Variants in EPHA5 observed in about 807,000 individuals in gnomAD.
EPHA5 encodes the protein EPH receptor A5, also known as ephrin type-A receptor 5.
Under a neutral mutation model 105.0 loss-of-function variants are expected in EPHA5, and 60 were observed. That is an observed-to-expected ratio of 0.57 (90% confidence interval 0.46 to 0.71). The LOEUF is 0.71. Ranked by LOEUF, EPHA5 falls within the 30% of genes least tolerant of loss-of-function variation. The pLI is 0.00. For synonymous variants in EPHA5, 513 were observed against 449.1 expected (o/e 1.14, Z -1.80); for missense variants, 1,218 against 1,274.7 (o/e 0.96, Z 0.68).
chr4:65,396,672 T>C (rs1721272637), intron 8 of EPHA5, among the ~76,000 whole-genome samples: 1 of 152,138 alleles, frequency 6.6e-6, no homozygotes, highest in Non-Finnish European at 1.5e-5. Flanking sequence ...AAGCTATTCA[T>C]GATAGAACAG....
intron 8 of EPHA5, among the ~76,000 whole-genome samples, chr4:65,401,939 G>A (rs1721880457): frequency 6.6e-6 from 1 of 151,884 alleles, no homozygotes; most frequent in Admixed American, 6.6e-5. Flanking sequence ...GAGAAAGAGA[G>A]AGAGATAGAG....
intron 5 of EPHA5, among the ~76,000 whole-genome samples, chr4:65,424,875 T>C (rs1428399963): frequency 1.3e-5 from 2 of 152,100 alleles, no homozygotes; most frequent in Admixed American, 1.3e-4. Context: ...ACACTTAGTA[T>C]AGAACAATAT....
intron 5 of EPHA5, among the ~76,000 whole-genome samples, chr4:65,451,974 C>A (rs1727111881): frequency 6.6e-6 from 1 of 152,092 alleles, no homozygotes; most frequent in Non-Finnish European, 1.5e-5. Flanking sequence ...GTCATATTAT[C>A]TTGTTAGTTA....
rs571653857 is a variant in EPHA5, at chr4:65,574,404, TACTC to T, written c.910+27233_910+27236del. On this transcript the variant is annotated intron_variant, in intron 3 of 16. Transcript: ENST00000613740. ...AATAAAAAATAAAAAAATAAAAAAA[TACTC>T]AAATAACTCAAATACATGTATTCAT... The T allele has an allele frequency of 9.3e-4, 609 of 655,682 alleles. 2 individuals are homozygous for T. Among genetic ancestry groups the T allele is most frequent in the African/African-American group, 7.2e-3 (381 of 52,686 alleles). The allele number at this position is 655,682 out of a possible 1,614,324, so 40.6% of individuals were successfully genotyped here. A position where few individuals can be genotyped will look rare whatever the true frequency, so the allele number is the denominator to read the frequency against.
rs139249356 is a variant in EPHA5 at position 65,432,149 on chromosome 4, T to C, written c.1403-11584A>G. Among the ~76,000 whole-genome samples, 19 of 152,300 alleles carry C rather than the reference T, an allele frequency of 1.2e-4. No homozygotes were observed. In the East Asian group the frequency reaches 1.9e-3, roughly 15 times the overall value. On this transcript the variant is annotated intron_variant, in intron 5 of 16. Transcript: ENST00000613740. ...TTTGATTCTAGCTCAAGTTTAATGA[T>C]TAACTGTACATTTTATGAGCAAAAA... is the stretch of plus-strand genomic sequence containing the variant.
intron 7 of EPHA5, among the ~76,000 whole-genome samples, chr4:65,406,867 C>T (rs1722409246): frequency 6.6e-6 from 1 of 151,836 alleles, no homozygotes; most frequent in Admixed American, 6.6e-5. Flanking sequence ...ATTAATCAAA[C>T]AAAAAAATCA....
intron 3 of EPHA5, among the ~76,000 whole-genome samples, chr4:65,567,298 G>T (rs571239459): frequency 1.3e-5 from 2 of 151,644 alleles, no homozygotes; most frequent in African/African-American, 4.8e-5. Context: ...ATTCAACAAG[G>T]TTTCATCAGA....
intron 3 of EPHA5, among the ~76,000 whole-genome samples, chr4:65,528,245 G>T (rs1052219567): frequency 1.3e-5 from 2 of 152,042 alleles, no homozygotes; most frequent in African/African-American, 4.8e-5. Flanking sequence ...TAGGTGCTCT[G>T]AGTCAAAACA....
At chr4:65,459,916 A>G (rs1317070895) in intron 5 of EPHA5, among the ~76,000 whole-genome samples, 1 of 151,804 alleles carries the variant, frequency 6.6e-6, no homozygotes, top group African/African-American at 2.4e-5. Flanking sequence ...TTATCCAATA[A>G]CTGTTTAGTA....
chr4:65,668,346 G>A (rs1180636878), intron 1 of EPHA5, among the ~76,000 whole-genome samples: 1 of 152,150 alleles, frequency 6.6e-6, no homozygotes, highest in Admixed American at 6.5e-5. Flanking sequence ...GTGCCCAGGA[G>A]TGGAAGGAAT....
chr4:65,497,926 T>C (rs1732103378), intron 3 of EPHA5, among the ~76,000 whole-genome samples: 1 of 151,982 alleles, frequency 6.6e-6, no homozygotes, highest in Non-Finnish European at 1.5e-5. Context: ...GCCTTGCCTT[T>C]ATGAATCTTA....
intron 2 of EPHA5, 31 bp downstream of exon 2, chr4:65,643,332 T>C: frequency 2.6e-6 from 4 of 1,559,962 alleles, no homozygotes; most frequent in Non-Finnish European, 3.5e-6. Flanking sequence ...GCACATAGCT[T>C]AAGTTTTAGA....
chr4:65,594,040 T>C (rs1006349874), intron 3 of EPHA5, among the ~76,000 whole-genome samples: 1 of 152,228 alleles, frequency 6.6e-6, no homozygotes, highest in African/African-American at 2.4e-5. Context: ...TTCTGTTTTA[T>C]GTTATCAGAC....
intron 1 of EPHA5, among the ~76,000 whole-genome samples, chr4:65,659,957 T>C (rs1192506414): frequency 7.2e-5 from 11 of 152,146 alleles, no homozygotes; most frequent in African/African-American, 2.7e-4. Context: ...CTTACAATAT[T>C]AGTAATTTCT....
rs1186315365 is a variant in EPHA5 at position 65,526,041 on chromosome 4, A to G, written c.911-30498T>C. 2.0e-5 allele frequency among the ~76,000 whole-genome samples: 3 copies of G among 151,832 alleles called. 1 individual carries two copies. The highest frequency in any genetic ancestry group is 2.4e-5 in the African/African-American group (1 of 41,406). On this transcript the variant is annotated intron_variant, in intron 3 of 16. Coordinates refer to ENST00000613740, the MANE Select transcript of EPHA5 (RefSeq NM_001281766.3). ...TATGATTGAAATAAATCCTATCAGT[A>G]TTTAGCCCAATACCGGGCACATGTT...
At chr4:65,627,308 A>T (rs1415316128) in intron 2 of EPHA5, among the ~76,000 whole-genome samples, 1 of 152,204 alleles carries the variant, frequency 6.6e-6, no homozygotes, top group Admixed American at 6.5e-5. Flanking sequence ...TTCCTGATCA[A>T]ATAATTTGGA....
chr4:65,522,175 A>G (rs2149282759), intron 3 of EPHA5, among the ~76,000 whole-genome samples: 2 of 151,954 alleles, frequency 1.3e-5, no homozygotes, highest in African/African-American at 4.8e-5. Flanking sequence ...GTATCTTTCA[A>G]GGAGGCTTTG....
chr4:65,563,395 A>G (rs1167821837), intron 3 of EPHA5, among the ~76,000 whole-genome samples: 5 of 152,110 alleles, frequency 3.3e-5, no homozygotes, highest in Non-Finnish European at 5.9e-5. Flanking sequence ...AAAATATTTC[A>G]GCATCCTTCA....
chr4:65,439,964 T>C (rs910163125), intron 5 of EPHA5, among the ~76,000 whole-genome samples: 2 of 152,110 alleles, frequency 1.3e-5, no homozygotes, highest in Admixed American at 6.6e-5. Flanking sequence ...ATTTTACTTA[T>C]CTTTTTGCAA....
Sources: gnomAD v4.1 joint callset for allele counts (sites outside exome capture counted in the v4.1 genomes callset) on GRCh38, gnomAD v4.1.1 for gene constraint, MANE v1.5 for transcripts, NCBI Gene and HGNC (gene_info 2026-07-23, HGNC 2026-07-21) for gene names.